GTF2E1: variants seen among roughly 807,000 people sequenced by gnomAD.
The protein encoded by GTF2E1 is general transcription factor IIE subunit 1.
Under a neutral mutation model 34.9 loss-of-function variants are expected in GTF2E1, and 14 were observed. That is an observed-to-expected ratio of 0.40 (90% CI 0.27 to 0.63). The LOEUF (loss-of-function observed/expected upper bound fraction) is 0.63, where lower values mean the gene tolerates loss of function less well. Ranked by LOEUF, GTF2E1 falls within the 20% of genes least tolerant of loss-of-function variation. GTF2E1 has a pLI of 0.39. For synonymous variants in GTF2E1, 188 were observed against 192.9 expected (o/e 0.97, Z 0.21); for missense variants, 469 against 557.7 (o/e 0.84, Z 1.60).
chr3:120,764,976 T>C (rs1351987493), intron 2 of GTF2E1, among the ~76,000 whole-genome samples: 1 of 149,340 alleles, frequency 6.7e-6, no homozygotes. Context: ...GTTTCAAATT[T>C]CGCTGAGCAT....
chr3:120,758,253 T>C (rs1036394260), intron 2 of GTF2E1, among the ~76,000 whole-genome samples: 1 of 152,176 alleles, frequency 6.6e-6, no homozygotes, highest in African/African-American at 2.4e-5. Flanking sequence ...TTTTCCTCTC[T>C]GTGGCTTTTC....
In GTF2E1 at chr3:120,761,518, A is replaced by G. The variant is rs183873654; in HGVS notation, c.449-9210A>G. 3.7e-3 allele frequency among the ~76,000 whole-genome samples: 565 copies of G among 152,156 alleles called. 4 individuals carry two copies. Among genetic ancestry groups the G allele is most frequent in the Non-Finnish European group, 6.5e-3 (443 of 67,990 alleles). ...GTTCTTTTAATTGTGATGTTAGGGCATCAATTTTAGATCTTTCCTGCTTTC... is the reference window on the plus strand; with the variant it reads ...GTTCTTTTAATTGTGATGTTAGGGCGTCAATTTTAGATCTTTCCTGCTTTC... On this transcript the variant is annotated intron_variant, in intron 2 of 4. Transcript: ENST00000283875.
intron 1 of GTF2E1, among the ~76,000 whole-genome samples, chr3:120,749,581 G>A (rs1290628692): frequency 6.6e-6 from 1 of 152,118 alleles, no homozygotes; most frequent in African/African-American, 2.4e-5. Context: ...TATTGAACCA[G>A]CCTTGCATCC....
Position 120,749,162 on chromosome 3 carries a change from A to G in GTF2E1, c.-30-1361A>G, listed in dbSNP as rs904558855. Among the ~76,000 whole-genome samples the G allele has an allele frequency of 3.1e-4, 47 of 152,248 alleles. 1 individual carries two copies. Among genetic ancestry groups the G allele is most frequent in the Admixed American group, 2.4e-3 (37 of 15,282 alleles). ...TTTAAGGAGATTTTGGGCTGAGACA[A>G]TGGGGTTTTCTAGATATACAATCAT... On this transcript the variant is annotated intron_variant, in intron 1 of 4. Coordinates refer to ENST00000283875, the MANE Select transcript of GTF2E1 (RefSeq NM_005513.3).
chr3:120,761,951 C>T (rs1378233700), intron 2 of GTF2E1, among the ~76,000 whole-genome samples: 16 of 151,966 alleles, frequency 1.1e-4, no homozygotes, highest in African/African-American at 1.7e-4. Context: ...CTACCACGCC[C>T]GGCTAATTTT....
intron 2 of GTF2E1, among the ~76,000 whole-genome samples, chr3:120,769,534 TC>T (rs1709335859): frequency 6.6e-6 from 1 of 152,288 alleles, no homozygotes; most frequent in Admixed American, 6.5e-5. Context: ...TTGGGTATCT[TC>T]ATAAATCTTA....
At chr3:120,749,486 G>A (rs970266480) in intron 1 of GTF2E1, among the ~76,000 whole-genome samples, 15 of 152,218 alleles carry the variant, frequency 9.9e-5, no homozygotes, top group Non-Finnish European at 2.2e-4. Flanking sequence ...TTTGTCAAAG[G>A]CCTTTTCTGC....
chr3:120,746,224 TTAA>T lies in GTF2E1; in HGVS notation c.-31+3434_-31+3436del, dbSNP rs746508415. Among the ~76,000 whole-genome samples the T allele has an allele frequency of 1.2e-4, 19 of 152,324 alleles. No individual in the cohort carries two copies. In the East Asian group the frequency reaches 3.7e-3, roughly 29 times the overall value. On this transcript the variant is annotated intron_variant, in intron 1 of 4. Coordinates refer to ENST00000283875, the MANE Select transcript of GTF2E1 (RefSeq NM_005513.3). ...ATAAAAGGGTTAGTTGAAACTAGTA[TTAA>T]TAACAGAATATGATTCTCCATTGAA...
chr3:120,744,601 ACT>A (rs751459831), intron 1 of GTF2E1, among the ~76,000 whole-genome samples: 1 of 151,152 alleles, frequency 6.6e-6, no homozygotes, highest in African/African-American at 2.4e-5. Flanking sequence ...GATTTTTCCT[ACT>A]CTCATATTCT....
chr3:120,763,650 T>C (rs1034122405), intron 2 of GTF2E1, among the ~76,000 whole-genome samples: 2 of 152,240 alleles, frequency 1.3e-5, no homozygotes, highest in Non-Finnish European at 2.9e-5. Flanking sequence ...GGAAGCTTTT[T>C]GAGTGAAGGG....
intron 1 of GTF2E1, chr3:120,749,792 C>G (rs1212881950): frequency 6.6e-6 from 1 of 152,166 alleles, no homozygotes; most frequent in Non-Finnish European, 1.5e-5. Context: ...TTTGAGAAGA[C>G]AGCTTTCTGG....
intron 3 of GTF2E1, among the ~76,000 whole-genome samples, chr3:120,772,608 C>CA (rs1444585855): frequency 1.3e-5 from 2 of 152,058 alleles, no homozygotes; most frequent in African/African-American, 4.8e-5. Context: ...ATTGATTTTA[C>CA]AAAAATACAA....
chr3:120,747,420 C>T (rs1377490652), intron 1 of GTF2E1, among the ~76,000 whole-genome samples: 1 of 151,986 alleles, frequency 6.6e-6, no homozygotes. Flanking sequence ...ACAATAGGCC[C>T]CAGTGTGTGA....
chr3:120,749,406 T>A (rs1211742214), intron 1 of GTF2E1, among the ~76,000 whole-genome samples: 2 of 152,196 alleles, frequency 1.3e-5, no homozygotes, highest in African/African-American at 4.8e-5. Flanking sequence ...TAGATAGCTC[T>A]TATTATTTTG....
chr3:120,769,358 C>T (rs1226276736), intron 2 of GTF2E1, among the ~76,000 whole-genome samples: 5 of 152,090 alleles, frequency 3.3e-5, no homozygotes, highest in African/African-American at 7.2e-5. Context: ...CTTTCTGCAG[C>T]AAGGGAAGCC....
chr3:120,776,687 T>C (rs894035980), intron 4 of GTF2E1, 23 bp downstream of exon 4: 5 of 1,602,634 alleles, frequency 3.1e-6, no homozygotes, highest in Non-Finnish European at 4.3e-6. Context: ...GTCAGTAAAA[T>C]GGATGTGTCT....
rs763334797 is a variant in GTF2E1, at chr3:120,770,838, A to G, written c.559A>G (p.Ile187Val). 3.7e-6 allele frequency: 6 copies of G among 1,613,706 alleles called. No homozygotes were observed. Among genetic ancestry groups the G allele is most frequent in the South Asian group, 3.3e-5 (3 of 91,082 alleles). The change falls in exon 3 of 5, where the codon ATT (isoleucine) becomes GTT (valine). Residue 187 changes from isoleucine (I) to valine (V), a missense_variant. Ile to Val is a conservative substitution (Grantham distance 29). Transcript: ENST00000283875. ...LARFNEQIEP[I>V]YALLRETEDV... ...AAGGTTTAATGAACAAATTGAGCCC[A>G]TTTATGCATTGCTTCGGGAGACAGA... is the stretch of plus-strand genomic sequence containing the variant.
intron 2 of GTF2E1, among the ~76,000 whole-genome samples, chr3:120,769,670 A>G (rs192839213): frequency 1.3e-5 from 2 of 152,280 alleles, no homozygotes; most frequent in African/African-American, 4.8e-5. Context: ...CTCAGACGCA[A>G]TTCCACAGTG....
intron 2 of GTF2E1, among the ~76,000 whole-genome samples, chr3:120,769,715 GTTAGTGA>G (rs1014569498): frequency 5.3e-5 from 8 of 152,136 alleles, no homozygotes; most frequent in Non-Finnish European, 7.4e-5. Flanking sequence ...ATAGTCTGAT[GTTAGTGA>G]TCTGTGAGAT....
Sources: gnomAD v4.1 joint callset for allele counts (sites outside exome capture counted in the v4.1 genomes callset) on GRCh38, gnomAD v4.1.1 for gene constraint, MANE v1.5 for transcripts, NCBI Gene and HGNC (gene_info 2026-07-23, HGNC 2026-07-21) for gene names.